MSRA: variants seen among roughly 807,000 people sequenced by gnomAD.
The protein encoded by MSRA is mitochondrial peptide methionine sulfoxide reductase.
Under a neutral mutation model 31.3 loss-of-function variants are expected in MSRA, and 54 were observed. That is an observed-to-expected ratio of 1.73 (90% CI 1.39 to 2.17). The LOEUF (loss-of-function observed/expected upper bound fraction) is 2.17. Among genes scored for constraint, MSRA ranks in the 30% most tolerant of loss-of-function variants. The pLI is 0.00. For synonymous variants in MSRA, 169 were observed against 116.5 expected (o/e 1.45, Z -2.90); for missense variants, 507 against 300.9 (o/e 1.69, Z -5.07).
At chr8:10,089,194 C>G (rs968541328) in intron 1 of MSRA, among the ~76,000 whole-genome samples, 1 of 152,078 alleles carries the variant, frequency 6.6e-6, no homozygotes, top group Non-Finnish European at 1.5e-5. Flanking sequence ...TGTTAGTCTG[C>G]TTCACTGCAG....
chr8:10,257,408 A>C (rs1191083931), intron 3 of MSRA, among the ~76,000 whole-genome samples: 2 of 152,020 alleles, frequency 1.3e-5, no homozygotes, highest in Non-Finnish European at 2.9e-5. Flanking sequence ...TTCTTCATTT[A>C]GTTTATTTAT....
At position 10,425,642 on chromosome 8, in the gene MSRA, C is replaced by A. The variant is rs112430246; in HGVS notation, c.544-2506C>A. On this transcript the variant is annotated intron_variant, in intron 5 of 5. Coordinates refer to ENST00000317173, the MANE Select transcript of MSRA (RefSeq NM_012331.5). ...CACAGGTGTGGCCATAGAACATGGA[C>A]GCCTCCAGTACGCAGGCACAGGCAG... 3.8e-3 allele frequency among the ~76,000 whole-genome samples: 584 copies of A among 152,332 alleles called. 6 individuals are homozygous for A. Among genetic ancestry groups the A allele is most frequent in the African/African-American group, 0.013 (528 of 41,586 alleles).
intron 2 of MSRA, among the ~76,000 whole-genome samples, chr8:10,214,284 G>C (rs1286961458): frequency 6.6e-6 from 1 of 152,136 alleles, no homozygotes; most frequent in South Asian, 2.1e-4. Context: ...CCAGAGACTT[G>C]TCCCTCTCTG....
chr8:10,396,831 C>T (rs781586667), intron 5 of MSRA, among the ~76,000 whole-genome samples: 2 of 152,144 alleles, frequency 1.3e-5, no homozygotes, highest in African/African-American at 4.8e-5. Context: ...GGGGTATGGC[C>T]CTTACGCGAG....
intron 5 of MSRA, among the ~76,000 whole-genome samples, chr8:10,345,755 A>G (rs1016589443): frequency 6.6e-6 from 1 of 152,200 alleles, no homozygotes; most frequent in African/African-American, 2.4e-5. Flanking sequence ...AGCTCACTCT[A>G]AAAAGGCCTG....
At chr8:10,123,530 C>T (rs1801276941) in intron 1 of MSRA, among the ~76,000 whole-genome samples, 1 of 152,134 alleles carries the variant, frequency 6.6e-6, no homozygotes, top group Non-Finnish European at 1.5e-5. Context: ...AATTAGATCC[C>T]ATTTGTCAAT....
At chr8:10,305,725 C>T (rs575614620) in intron 4 of MSRA, among the ~76,000 whole-genome samples, 2 of 152,198 alleles carry the variant, frequency 1.3e-5, no homozygotes, top group Admixed American at 1.3e-4. Flanking sequence ...TAGCCTTCTG[C>T]CATTTTGGAG....
chr8:10,106,019 G>A (rs552401776), intron 1 of MSRA, among the ~76,000 whole-genome samples: 143 of 152,270 alleles, frequency 9.4e-4, no homozygotes, highest in Middle Eastern at 3.4e-3. Context: ...AATTGGAATC[G>A]GAAAGGATAC....
chr8:10,130,024 T>A (rs151087568), intron 1 of MSRA, among the ~76,000 whole-genome samples: 2 of 152,168 alleles, frequency 1.3e-5, no homozygotes, highest in Non-Finnish European at 2.9e-5. Context: ...AGTACCTACA[T>A]CCCTTGGAAG....
At chr8:10,324,463 G>A (rs2129140472) in intron 5 of MSRA, among the ~76,000 whole-genome samples, 1 of 152,260 alleles carries the variant, frequency 6.6e-6, no homozygotes, top group South Asian at 2.1e-4. Flanking sequence ...ATGGGTTCCT[G>A]CCCATCAGAG....
At chr8:10,187,522 C>G (rs560169638) in intron 1 of MSRA, among the ~76,000 whole-genome samples, 1 of 152,144 alleles carries the variant, frequency 6.6e-6, no homozygotes, top group Non-Finnish European at 1.5e-5. Flanking sequence ...TTTCAAAAAT[C>G]GTTCCACAGC....
At chr8:10,231,481 C>G (rs1811468938) in intron 2 of MSRA, among the ~76,000 whole-genome samples, 1 of 152,142 alleles carries the variant, frequency 6.6e-6, no homozygotes, top group Non-Finnish European at 1.5e-5. Flanking sequence ...GGATCCCCAG[C>G]AAGAGTTGGA....
chr8:10,085,685 A>T (rs1798522108), intron 1 of MSRA, among the ~76,000 whole-genome samples: 1 of 152,246 alleles, frequency 6.6e-6, no homozygotes, highest in Non-Finnish European at 1.5e-5. Context: ...GAAACCATCA[A>T]TGCTGTCCAG....
At chr8:10,328,048 TTTTTAG>T (rs1301315297) in intron 5 of MSRA, among the ~76,000 whole-genome samples, 15 of 141,672 alleles carry the variant, frequency 1.1e-4, no homozygotes, top group South Asian at 7.1e-4. Flanking sequence ...TTTTTTTTTT[TTTTTAG>T]TATCAGTGAC....
At position 10,426,230 on chromosome 8, in the gene MSRA, G is replaced by T. The variant is rs376163299; in HGVS notation, c.544-1918G>T. Reference sequence around the variant, plus strand: ...GGTTCTGTTCCCTGAAAACAGTCTGGAGCCAAATGCTGTGTGAGCTGGGGC... The same window carrying T: ...GGTTCTGTTCCCTGAAAACAGTCTGTAGCCAAATGCTGTGTGAGCTGGGGC... On this transcript the variant is annotated intron_variant, in intron 5 of 5. Transcript: ENST00000317173. Among the ~76,000 whole-genome samples the T allele has an allele frequency of 2.6e-5, 4 of 152,226 alleles. No homozygotes were observed. The South Asian group carries it at 8.3e-4, about 32-fold the overall frequency.
chr8:10,112,590 T>A (rs1174082876), intron 1 of MSRA, among the ~76,000 whole-genome samples: 1 of 152,234 alleles, frequency 6.6e-6, no homozygotes, highest in Non-Finnish European at 1.5e-5. Flanking sequence ...CATGGAATAC[T>A]CATGAAAGGA....
intron 1 of MSRA, among the ~76,000 whole-genome samples, chr8:10,094,574 T>A (rs1799026622): frequency 6.6e-6 from 1 of 152,190 alleles, no homozygotes; most frequent in Admixed American, 6.5e-5. Flanking sequence ...AGACCTTGAG[T>A]TATCTAAATT....
At chr8:10,121,728 C>T (rs957975975) in intron 1 of MSRA, among the ~76,000 whole-genome samples, 6 of 151,708 alleles carry the variant, frequency 4.0e-5, no homozygotes, top group African/African-American at 1.2e-4. Flanking sequence ...TGGCATGCAG[C>T]GGTATGATCA....
At chr8:10,071,852 T>G (rs1797747638) in intron 1 of MSRA, among the ~76,000 whole-genome samples, 1 of 152,060 alleles carries the variant, frequency 6.6e-6, no homozygotes, top group Non-Finnish European at 1.5e-5. Flanking sequence ...CCGCTGTATC[T>G]CAGTACGAGA....
Sources: gnomAD v4.1 joint callset for allele counts (sites outside exome capture counted in the v4.1 genomes callset) on GRCh38, gnomAD v4.1.1 for gene constraint, MANE v1.5 for transcripts, NCBI Gene and HGNC (gene_info 2026-07-23, HGNC 2026-07-21) for gene names.